The following GPCPD1 variants were observed in gnomAD, a reference collection of about 807,000 sequenced individuals.
GPCPD1 encodes the protein glycerophosphocholine phosphodiesterase 1, also known as glycerophosphocholine phosphodiesterase GPCPD1.
In GPCPD1, 29 loss-of-function variants were observed where a neutral mutation model predicts 89.2. The ratio of observed to expected loss-of-function variants is 0.33; its 90% CI spans 0.24 to 0.44. The LOEUF (loss-of-function observed/expected upper bound fraction) is 0.44, where lower values mean the gene tolerates loss of function less well. Among genes scored for constraint, GPCPD1 ranks in the 20% least tolerant of loss-of-function variants. The pLI, the probability that GPCPD1 is intolerant of heterozygous loss-of-function variation, is 1.00. For synonymous variants in GPCPD1, 258 were observed against 266.3 expected, an observed-to-expected ratio of 0.97 and a Z score of 0.30; for missense variants, 594 against 808.9, an observed-to-expected ratio of 0.73 and a Z score of 3.22.
In GPCPD1 at chr20:5,598,882, A is replaced by G. The variant is rs917749147; in HGVS notation, c.50-61T>C. The G allele has an allele frequency of 1.3e-5, 14 of 1,069,812 alleles. No individual in the cohort carries two copies. In the African/African-American group the frequency reaches 2.2e-4, roughly 17 times the overall value. 66.3% of individuals were successfully genotyped at this position (1,069,812 alleles called of 1,614,324 possible). ...AACAATCAGTCACAGTGGGATAAGC[A>G]GGGAAGTTTGCATTAGTTCAACCAG... On this transcript the variant is annotated intron_variant, in intron 2 of 19. Coordinates refer to ENST00000379019, the MANE Select transcript of GPCPD1 (RefSeq NM_019593.5).
At chr20:5,549,427 T>C in intron 19 of GPCPD1, 2 of 1,210,582 alleles carry the variant, frequency 1.7e-6, no homozygotes, top group East Asian at 2.5e-5. Flanking sequence ...ATCAGTCCCA[T>C]GCAGACACAG....
At chr20:5,610,319 T>C (rs1980879063) in intron 1 of GPCPD1, among the ~76,000 whole-genome samples, 2 of 152,166 alleles carry the variant, frequency 1.3e-5, no homozygotes, top group Admixed American at 6.5e-5. Flanking sequence ...TTTAGTTTCT[T>C]GGAATAACTG....
Position 5,578,390 on chromosome 20 carries a change from T to G in GPCPD1, c.695A>C (p.Asp232Ala). Residue 232 changes from aspartate to alanine, a missense_variant, in exon 8 of 20, where the codon GAT becomes GCT. Transcript: ENST00000379019. ...GCAGTAACTACTCACTTCGAAAAAA[T>G]CAAAGATTAGTTCCAGGTTATCTGG... ...MEPDNLELIF[D>A]FFEEDLSEHV... 1 of 1,601,718 alleles carries G rather than the reference T, an allele frequency of 6.2e-7. No individual in the cohort carries two copies. Among genetic ancestry groups the G allele is most frequent in the Non-Finnish European group, 8.6e-7 (1 of 1,168,598 alleles).
intron 12 of GPCPD1, 139 bp downstream of exon 12, chr20:5,570,008 G>T (rs897277041): frequency 5.7e-6 from 3 of 527,590 alleles, no homozygotes; most frequent in Non-Finnish European, 1.0e-5. Flanking sequence ...AGCATGAGAG[G>T]GAAGGACTGG....
chr20:5,578,664 C>A, intron 7 of GPCPD1, 53 bp from the exon 8 acceptor site: 1 of 1,116,856 alleles, frequency 9.0e-7, no homozygotes, highest in South Asian at 1.3e-5. Context: ...AAGAAAAACT[C>A]ATACAAATGT....
At chr20:5,567,855 C>T in intron 12 of GPCPD1, 1 of 242,912 alleles carries the variant, frequency 4.1e-6, no homozygotes, top group Non-Finnish European at 7.9e-6. Context: ...GAGGATAGAA[C>T]CAGAAGTCAG....
chr20:5,590,774 G>A (rs570895156), intron 4 of GPCPD1, among the ~76,000 whole-genome samples: 1 of 152,198 alleles, frequency 6.6e-6, no homozygotes, highest in South Asian at 2.1e-4. Flanking sequence ...TGATTGTCTT[G>A]TTAAAGGAAG....
At chr20:5,553,034 G>A (rs1224449186) in intron 19 of GPCPD1, among the ~76,000 whole-genome samples, 1 of 152,088 alleles carries the variant, frequency 6.6e-6, no homozygotes, top group East Asian at 1.9e-4. Flanking sequence ...CTCCCAAAGT[G>A]CTGGGATTAC....
At chr20:5,557,917 A>G in intron 19 of GPCPD1, 28 bp downstream of exon 19, 1 of 1,295,702 alleles carries the variant, frequency 7.7e-7, no homozygotes, top group Non-Finnish European at 1.1e-6. Context: ...TCTAAATTCC[A>G]TGAAAATTTT....
intron 15 of GPCPD1, among the ~76,000 whole-genome samples, chr20:5,562,509 T>A (rs1986143516): frequency 6.6e-6 from 1 of 152,236 alleles, no homozygotes; most frequent in African/African-American, 2.4e-5. Context: ...CTGAAACTCC[T>A]GACCTCAGGT....
chr20:5,559,915 G>C (rs747542508), intron 17 of GPCPD1, 25 bp downstream of exon 17: 2 of 1,378,430 alleles, frequency 1.5e-6, no homozygotes, highest in Non-Finnish European at 2.0e-6. Context: ...TAAGAGTATA[G>C]GAAAAAATAC....
chr20:5,549,187 A>G, intron 19 of GPCPD1: 1 of 670,210 alleles, frequency 1.5e-6, no homozygotes, highest in Non-Finnish European at 2.8e-6. Flanking sequence ...TTGAACAAAC[A>G]GCAGAGATGA....
chr20:5,547,179 C>T lies in GPCPD1; in HGVS notation c.*482G>A, dbSNP rs1325656609. On this transcript the variant is annotated 3_prime_UTR_variant, in exon 20 of 20. Coordinates refer to ENST00000379019, the MANE Select transcript of GPCPD1 (RefSeq NM_019593.5). ...AACCCATGTAAAAAATACCTATATA[C>T]AAGATGGCACAAAGATTTGTGCAGT... 27 of 152,478 alleles carry T rather than the reference C, an allele frequency of 1.8e-4. No homozygotes were observed. The highest frequency in any genetic ancestry group is 1.9e-4 in the Non-Finnish European group (13 of 68,018). 9.4% of individuals were successfully genotyped at this position (152,478 alleles called of 1,614,324 possible).
rs1978286892 is a variant in GPCPD1 at position 5,575,552 on chromosome 20, TA to T, written c.869-8del. ...TTAATAATTATATAGTCAACTTTCATAGGAAAAAAGAGGGAGGAACAAAAAT... is the reference window on the plus strand; with the variant it reads ...TTAATAATTATATAGTCAACTTTCATGGAAAAAAGAGGGAGGAACAAAAAT... On this transcript the variant is annotated splice_polypyrimidine_tract_variant and splice_region_variant and intron_variant, in intron 9 of 19. Transcript: ENST00000379019. 6.5e-7 allele frequency: 1 copy of T among 1,548,314 alleles called. No homozygotes were observed. Among genetic ancestry groups the T allele is most frequent in the Non-Finnish European group, 8.8e-7 (1 of 1,130,702 alleles).
At chr20:5,549,825 A>AAT (rs1252491714) in intron 19 of GPCPD1, among the ~76,000 whole-genome samples, 9 of 152,074 alleles carry the variant, frequency 5.9e-5, no homozygotes, top group Non-Finnish European at 1.2e-4. Context: ...TAGGATGCTA[A>AAT]ATATATGGAA....
At chr20:5,570,564 G>C (rs1986661521) in intron 11 of GPCPD1, among the ~76,000 whole-genome samples, 1 of 152,026 alleles carries the variant, frequency 6.6e-6, no homozygotes, top group Admixed American at 6.5e-5. Context: ...AAAGCCCCAA[G>C]CTCAGGGATC....
chr20:5,592,052 C>A (rs2038702515), intron 4 of GPCPD1, among the ~76,000 whole-genome samples: 1 of 152,220 alleles, frequency 6.6e-6, no homozygotes, highest in African/African-American at 2.4e-5. Context: ...AGGATAAATA[C>A]TTAGGTTGGC....
chr20:5,551,762 G>A (rs1985423304), intron 19 of GPCPD1, among the ~76,000 whole-genome samples: 1 of 152,120 alleles, frequency 6.6e-6, no homozygotes, highest in Non-Finnish European at 1.5e-5. Flanking sequence ...CAAAGACTCT[G>A]TCTCAAAAAA....
chr20:5,567,419 A>T, intron 13 of GPCPD1, 64 bp downstream of exon 13: 1 of 1,506,666 alleles, frequency 6.6e-7, no homozygotes, highest in Non-Finnish European at 8.8e-7. Flanking sequence ...ACATAACCAT[A>T]TACAAGCAAG....
Sources: allele counts gnomAD v4.1 joint callset (sites outside exome capture counted in the v4.1 genomes callset), GRCh38; gene constraint gnomAD v4.1.1; transcripts MANE v1.5; gene names NCBI Gene and HGNC (gene_info 2026-07-23, HGNC 2026-07-21).